The following CDH12 variants were observed in gnomAD, a reference collection of about 807,000 sequenced individuals.
The protein encoded by CDH12 is cadherin 12, also known as cadherin-12.
In CDH12, 41 loss-of-function variants were observed where a neutral mutation model predicts 74.1. The observed-to-expected ratio is 0.55, with a 90% CI of 0.43 to 0.72. The LOEUF (loss-of-function observed/expected upper bound fraction) is 0.72. Among genes scored for constraint, CDH12 ranks in the 30% least tolerant of loss-of-function variants. The pLI, the probability that CDH12 is intolerant of heterozygous loss-of-function variation, is 0.00. For missense variants in CDH12, 945 were observed against 977.2 expected (o/e 0.97, Z 0.44); for synonymous variants, 399 against 355.0 (o/e 1.12, Z -1.39).
In CDH12 at chr5:22,308,956, GGAGA is replaced by G. The variant is rs543803749; in HGVS notation, c.-333+96297_-333+96300del. 2.8e-3 allele frequency among the ~76,000 whole-genome samples: 231 copies of G among 81,596 alleles called. 4 individuals are homozygous for G. Among genetic ancestry groups the G allele is most frequent in the African/African-American group, 9.0e-3 (223 of 24,880 alleles). The allele number at this position is 81,596 out of a possible 152,430, so 53.5% of individuals were successfully genotyped here. On this transcript the variant is annotated intron_variant, in intron 3 of 14. Transcript: ENST00000382254. ...GAAAGAGAGAGAGAGAGGAGAGAGA[GGAGA>G]GAGAGAGAGAGAGAAAGCGAGAGAG...
chr5:22,741,921 C>A (rs543666516), intron 1 of CDH12, among the ~76,000 whole-genome samples: 6 of 152,172 alleles, frequency 3.9e-5, no homozygotes, highest in Non-Finnish European at 8.8e-5. Flanking sequence ...TGGCTCATGC[C>A]TGTAATCCCA....
rs578152065 is a variant in CDH12, at chr5:21,818,814, C to A, written c.815-1682G>T. ...AAGTTTAAATAAATAAAAAAATAAA[C>A]ATTATAGACCTAACAACAACAACAA... On this transcript the variant is annotated intron_variant, in intron 8 of 14. Transcript: ENST00000382254. 3.3e-5 allele frequency among the ~76,000 whole-genome samples: 5 copies of A among 151,932 alleles called. No individual in the cohort carries two copies. The East Asian group carries it at 9.7e-4, about 29-fold the overall frequency.
intron 5 of CDH12, among the ~76,000 whole-genome samples, chr5:22,010,754 G>A (rs1439967378): frequency 1.3e-5 from 2 of 152,048 alleles, no homozygotes; most frequent in African/African-American, 2.4e-5. Flanking sequence ...CAGTCATCTC[G>A]ACTATTTAAC....
intron 4 of CDH12, among the ~76,000 whole-genome samples, chr5:22,081,054 C>A (rs1278996845): frequency 6.6e-6 from 1 of 152,182 alleles, no homozygotes; most frequent in African/African-American, 2.4e-5. Flanking sequence ...GCTGGGATTA[C>A]AGGCGTGAGC....
intron 3 of CDH12, among the ~76,000 whole-genome samples, chr5:22,272,307 A>C (rs184252049): frequency 4.9e-4 from 75 of 152,306 alleles, no homozygotes; most frequent in Non-Finnish European, 9.1e-4. Flanking sequence ...CACAGAACTG[A>C]AGAGCATTAG....
At chr5:22,189,217 G>A (rs921401375) in intron 4 of CDH12, among the ~76,000 whole-genome samples, 8 of 152,074 alleles carry the variant, frequency 5.3e-5, no homozygotes, top group African/African-American at 1.7e-4. Context: ...TGACACTGCC[G>A]ATAAACAGTG....
At chr5:22,288,428 T>C (rs1488721338) in intron 3 of CDH12, among the ~76,000 whole-genome samples, 3 of 152,160 alleles carry the variant, frequency 2.0e-5, no homozygotes, top group Non-Finnish European at 4.4e-5. Flanking sequence ...CATCATACCT[T>C]GTTTGCAGAA....
chr5:22,073,309 A>T (rs1179089251), intron 5 of CDH12, among the ~76,000 whole-genome samples: 1 of 152,190 alleles, frequency 6.6e-6, no homozygotes, highest in African/African-American at 2.4e-5. Context: ...ATCTGAAATG[A>T]CAACTCAATT....
intron 5 of CDH12, among the ~76,000 whole-genome samples, chr5:22,074,448 A>C (rs957455300): frequency 6.6e-6 from 1 of 152,094 alleles, no homozygotes; most frequent in Non-Finnish European, 1.5e-5. Flanking sequence ...GCAACAAAAG[A>C]CAAAATTGAC....
intron 5 of CDH12, among the ~76,000 whole-genome samples, chr5:22,065,995 G>A (rs577762641): frequency 3.1e-4 from 47 of 152,176 alleles, no homozygotes; most frequent in African/African-American, 1.1e-3. Context: ...GGTACACAAA[G>A]TCTAACCTGA....
intron 13 of CDH12, among the ~76,000 whole-genome samples, chr5:21,759,156 T>G (rs1235406503): frequency 6.6e-6 from 1 of 152,128 alleles, no homozygotes; most frequent in African/African-American, 2.4e-5. Context: ...TTAAAAAAAG[T>G]TGTATTCCAT....
chr5:22,609,467 C>T (rs1286271558), intron 1 of CDH12, among the ~76,000 whole-genome samples: 1 of 152,114 alleles, frequency 6.6e-6, no homozygotes, highest in African/African-American at 2.4e-5. Context: ...GCTATTATGT[C>T]TTAAGTATCT....
intron 1 of CDH12, among the ~76,000 whole-genome samples, chr5:22,806,984 C>T (rs1401955826): frequency 1.3e-5 from 2 of 152,034 alleles, no homozygotes; most frequent in Non-Finnish European, 2.9e-5. Flanking sequence ...TAATTAGATT[C>T]CATTTGTCAA....
At chr5:22,696,135 G>A (rs1046237131) in intron 1 of CDH12, among the ~76,000 whole-genome samples, 4 of 151,988 alleles carry the variant, frequency 2.6e-5, no homozygotes, top group Non-Finnish European at 4.4e-5. Flanking sequence ...TTGGGAGGCT[G>A]AGGCAGGCGG....
chr5:22,239,003 A>T (rs773847350), intron 3 of CDH12, among the ~76,000 whole-genome samples: 3 of 152,234 alleles, frequency 2.0e-5, no homozygotes, highest in African/African-American at 4.8e-5. Flanking sequence ...AGAGAGTATC[A>T]TTCAGTGAAA....
At chr5:22,491,061 ATGT>A (rs1472391696) in intron 2 of CDH12, among the ~76,000 whole-genome samples, 1 of 152,096 alleles carries the variant, frequency 6.6e-6, no homozygotes, top group African/African-American at 2.4e-5. Flanking sequence ...CACGACACTG[ATGT>A]TTGTGCTTCT....
chr5:22,448,907 C>A (rs905756510), intron 2 of CDH12, among the ~76,000 whole-genome samples: 2 of 151,584 alleles, frequency 1.3e-5, no homozygotes, highest in African/African-American at 4.8e-5. Context: ...CAAGAAATGT[C>A]AATAAAAACT....
intron 5 of CDH12, among the ~76,000 whole-genome samples, chr5:21,982,615 T>A (rs1262719663): frequency 6.6e-6 from 1 of 151,852 alleles, no homozygotes; most frequent in Non-Finnish European, 1.5e-5. Flanking sequence ...TCTATATCTA[T>A]AATCTATATA....
chr5:22,198,350 A>G (rs1750737272), intron 4 of CDH12, among the ~76,000 whole-genome samples: 1 of 151,998 alleles, frequency 6.6e-6, no homozygotes, highest in South Asian at 2.1e-4. Flanking sequence ...GATTTATTTT[A>G]CACACCAAAT....
Sources: allele counts gnomAD v4.1 joint callset (sites outside exome capture counted in the v4.1 genomes callset), GRCh38; gene constraint gnomAD v4.1.1; transcripts MANE v1.5; gene names NCBI Gene and HGNC (gene_info 2026-07-23, HGNC 2026-07-21).